The following PRKCH variants were observed in gnomAD, a reference collection of about 807,000 sequenced individuals.
The protein encoded by PRKCH is protein kinase C eta.
In PRKCH, 28 loss-of-function variants were observed where a neutral mutation model predicts 82.5. The observed-to-expected ratio is 0.34, with a 90% CI of 0.25 to 0.47. The LOEUF (loss-of-function observed/expected upper bound fraction) is 0.47. Ranked by LOEUF, PRKCH falls within the 20% of genes least tolerant of loss-of-function variation. PRKCH has a pLI of 1.00. For missense variants in PRKCH, 705 were observed against 881.8 expected, an observed-to-expected ratio of 0.80 and a Z score of 2.54; for synonymous variants, 322 against 327.4, an observed-to-expected ratio of 0.98 and a Z score of 0.18.
In PRKCH at chr14:61,227,467, G is replaced by A. The variant is rs532492668; in HGVS notation, c.-19+39799G>A. Reference sequence around the variant, plus strand: ...AAATTAGCCAGGCGTGGTGGCGAGCGCCCGTAGTCCCAGCGACTCGGGAGG... The same window carrying A: ...AAATTAGCCAGGCGTGGTGGCGAGCACCCGTAGTCCCAGCGACTCGGGAGG... On this transcript the variant is annotated intron_variant, in intron 1 of 3. Transcript: ENST00000555185. 3.7e-3 allele frequency among the ~76,000 whole-genome samples: 557 copies of A among 152,222 alleles called. 7 individuals are homozygous for A. Among genetic ancestry groups the A allele is most frequent in the African/African-American group, 0.013 (534 of 41,538 alleles).
chr14:61,433,187 A>G (rs541147433), intron 2 of PRKCH, among the ~76,000 whole-genome samples: 146 of 152,314 alleles, frequency 9.6e-4, no homozygotes, highest in Admixed American at 2.2e-3. Context: ...AGTTTTAAAA[A>G]TCATGTTGAA....
intron 1 of PRKCH, among the ~76,000 whole-genome samples, chr14:61,389,299 A>G (rs1391494348): frequency 6.6e-6 from 1 of 151,862 alleles, no homozygotes; most frequent in Non-Finnish European, 1.5e-5. Context: ...ACAGTGAGTC[A>G]TGATTGCAGC....
chr14:61,535,344 A>C (rs1312147503), intron 12 of PRKCH, among the ~76,000 whole-genome samples: 3 of 152,202 alleles, frequency 2.0e-5, no homozygotes, highest in Non-Finnish European at 4.4e-5. Flanking sequence ...TATACTTACA[A>C]TTTAATGAGA....
rs905920102 is a variant in PRKCH at position 61,235,252 on chromosome 14, C to T, written c.-19+47584C>T. Among the ~76,000 whole-genome samples, 57 of 152,190 alleles carry T rather than the reference C, an allele frequency of 3.7e-4. 1 individual carries two copies. The highest frequency in any genetic ancestry group is 1.3e-3 in the African/African-American group (55 of 41,454). On this transcript the variant is annotated intron_variant, in intron 1 of 3. Coordinates refer to the PRKCH transcript ENST00000555185. ...GTCACTGACTGTGAGTCAGTAGAAACCCAAACCTAGAGGCTTTTAGCCCTG... is the reference window on the plus strand; with the variant it reads ...GTCACTGACTGTGAGTCAGTAGAAATCCAAACCTAGAGGCTTTTAGCCCTG...
At chr14:61,212,726 G>A (rs559984128) in intron 1 of PRKCH, among the ~76,000 whole-genome samples, 1 of 152,322 alleles carries the variant, frequency 6.6e-6, no homozygotes, top group African/African-American at 2.4e-5. Context: ...TAAGTGCTGA[G>A]TATACAAGGG....
chr14:61,253,976 C>CTCCCCCCT (rs2044972010), intron 1 of PRKCH, among the ~76,000 whole-genome samples: 1 of 125,966 alleles, frequency 7.9e-6, no homozygotes, highest in African/African-American at 3.4e-5. Context: ...CCCTCCCTCC[C>CTCCCCCCT]TCCTCCCTCC....
At chr14:61,490,187 T>C (rs1355305026) in intron 10 of PRKCH, among the ~76,000 whole-genome samples, 1 of 152,224 alleles carries the variant, frequency 6.6e-6, no homozygotes, top group East Asian at 1.9e-4. Flanking sequence ...CCATCCCATT[T>C]TGCAGATGTG....
intron 7 of PRKCH, 68 bp from the exon 8 acceptor site, chr14:61,457,108 C>T: frequency 6.4e-7 from 1 of 1,557,030 alleles, no homozygotes; most frequent in East Asian, 2.3e-5. Context: ...CCAATAAGGT[C>T]TTCTTCGTGC....
At chr14:61,320,360 G>A (rs1728403066), upstream of PRKCH, among the ~76,000 whole-genome samples, 1 of 152,140 alleles carries the variant, frequency 6.6e-6, no homozygotes, top group South Asian at 2.1e-4. Flanking sequence ...AGCACTTTGG[G>A]AGGCCGAGGC....
chr14:61,513,386 G>A (rs2042776088), intron 10 of PRKCH, among the ~76,000 whole-genome samples: 1 of 152,120 alleles, frequency 6.6e-6, no homozygotes, highest in Non-Finnish European at 1.5e-5. Context: ...AAGAAATGCT[G>A]TCATTAGAAG....
chr14:61,336,158 G>A (rs2140132519), intron 1 of PRKCH, among the ~76,000 whole-genome samples: 1 of 152,316 alleles, frequency 6.6e-6, no homozygotes, highest in African/African-American at 2.4e-5. Context: ...ACTTCAATAT[G>A]AAGTGATGGG....
chr14:61,229,096 G>C (rs10140461), intron 1 of PRKCH, among the ~76,000 whole-genome samples: 112,474 of 151,886 alleles, frequency 0.74, 44,446 homozygotes, highest in Non-Finnish European at 0.89. Context: ...TAAATATTTA[G>C]ATAAGAGAAC....
At chr14:61,337,569 C>T (rs1313886712) in intron 1 of PRKCH, among the ~76,000 whole-genome samples, 1 of 152,142 alleles carries the variant, frequency 6.6e-6, no homozygotes, top group Admixed American at 6.5e-5. Flanking sequence ...TACAGTCGTG[C>T]ACCACCGTGG....
chr14:61,268,225 G>A (rs2045121062), intron 1 of PRKCH, among the ~76,000 whole-genome samples: 1 of 152,184 alleles, frequency 6.6e-6, no homozygotes, highest in Non-Finnish European at 1.5e-5. Flanking sequence ...CATGGATTGT[G>A]AGAAGCCAAG....
intron 1 of PRKCH, chr14:61,390,620 G>A (rs1008788612): frequency 6.6e-6 from 1 of 152,630 alleles, no homozygotes; most frequent in Admixed American, 6.5e-5. Context: ...AGTGAGCTGA[G>A]ATCATGCCAC....
At position 61,280,614 on chromosome 14, in the gene PRKCH, G is replaced by C; in HGVS notation, c.-19+92946G>C. ...CGTAGGGCCCGCCGGGCTGGCGCTGGTGCCAAAGCGAGAAGGAGTCGTTGA... is the reference window on the plus strand; with the variant it reads ...CGTAGGGCCCGCCGGGCTGGCGCTGCTGCCAAAGCGAGAAGGAGTCGTTGA... On this transcript the variant is annotated intron_variant, in intron 1 of 3. Transcript: ENST00000555185. This position sits in a 1 kb window ranked among gnomAD's most constrained non-coding sequence, Gnocchi z 5.0. 1 of 1,582,358 alleles carries C rather than the reference G, an allele frequency of 6.3e-7. No homozygotes were observed. The highest frequency in any genetic ancestry group is 8.6e-7 in the Non-Finnish European group (1 of 1,164,620).
At chr14:61,457,757 T>G in intron 9 of PRKCH, 78 bp downstream of exon 9, 1 of 1,542,386 alleles carries the variant, frequency 6.5e-7, no homozygotes, top group East Asian at 2.3e-5. Flanking sequence ...GGAGATTTCA[T>G]AAAGTTGAGT....
At chr14:61,530,299 T>G in intron 11 of PRKCH, 108 bp from the exon 12 acceptor site, 2 of 1,255,884 alleles carry the variant, frequency 1.6e-6, no homozygotes, top group Non-Finnish European at 2.2e-6. Context: ...AGGAGACTTT[T>G]TTAAAAAAAC....
intron 2 of PRKCH, among the ~76,000 whole-genome samples, chr14:61,405,455 G>A (rs569173744): frequency 6.6e-6 from 1 of 151,320 alleles, no homozygotes; most frequent in South Asian, 2.1e-4. Flanking sequence ...TCAGCTCACT[G>A]CAACCTCCAC....
Sources: allele counts gnomAD v4.1 joint callset (sites outside exome capture counted in the v4.1 genomes callset), GRCh38; gene constraint gnomAD v4.1.1; non-coding constraint Gnocchi (gnomAD v3.1); transcripts MANE v1.5; gene names NCBI Gene and HGNC (gene_info 2026-07-23, HGNC 2026-07-21).